C19orf47: variants seen among roughly 807,000 people sequenced by gnomAD.
C19orf47 encodes the protein uncharacterized protein C19orf47.
C19orf47 carries 18 observed loss-of-function variants against 32.3 expected under a neutral mutation model. The observed-to-expected ratio is 0.56, with a 90% CI of 0.39 to 0.83. The LOEUF (loss-of-function observed/expected upper bound fraction) is 0.83, where lower values mean the gene tolerates loss of function less well. C19orf47 is among the 40% of genes least tolerant of loss of function. The pLI, the probability that C19orf47 is intolerant of heterozygous loss-of-function variation, is 0.00. For synonymous variants in C19orf47, 202 were observed against 211.1 expected (o/e 0.96, Z 0.37); for missense variants, 484 against 531.6 (o/e 0.91, Z 0.88).
rs1245668946 is a variant in C19orf47 at position 40,320,119 on chromosome 19, C to T, written c.*1763G>A. 6.5e-6 allele frequency: 1 copy of T among 154,862 alleles called. No homozygotes were observed. Among genetic ancestry groups the T allele is most frequent in the East Asian group, 1.9e-4 (1 of 5,232 alleles). 9.6% of individuals were successfully genotyped at this position (154,862 alleles called of 1,614,324 possible). On this transcript the variant is annotated 3_prime_UTR_variant, in exon 9 of 9. Transcript: ENST00000683109. ...CCACAGCTCTTCCTCCAAAGCACAC[C>T]CTAAGCAGCCCAAGCGGCCCTCTTC...
At chr19:40,343,105 T>C (rs1375921009) in intron 1 of C19orf47, among the ~76,000 whole-genome samples, 2 of 152,146 alleles carry the variant, frequency 1.3e-5, no homozygotes, top group Non-Finnish European at 2.9e-5. Flanking sequence ...GGGCCCACAC[T>C]GCCCTGGCCC....
In C19orf47 at chr19:40,326,403, C is replaced by T. The variant is rs759796192; in HGVS notation, c.523G>A (p.Val175Ile). The change falls in exon 7 of 9, where the codon GTC becomes ATC. Residue 175 changes from valine (V) to isoleucine (I), a missense_variant. Physicochemically the swap from Val to Ile is conservative, Grantham distance 29 (BLOSUM62 3). Coordinates refer to ENST00000683109, the MANE Select transcript of C19orf47 (RefSeq NM_001256441.2). Reference sequence around the variant, plus strand: ...GTGGTGCCTTTGGGCATGTTGATGACGTACTTCCCCTCCATCTCAGCAGTG... The same window carrying T: ...GTGGTGCCTTTGGGCATGTTGATGATGTACTTCCCCTCCATCTCAGCAGTG... ...RVTAEMEGKY[V>I]INMPKGTTPR... The T allele has an allele frequency of 1.2e-5, 19 of 1,614,082 alleles. No homozygotes were observed. In the East Asian group the frequency reaches 1.3e-4, roughly 11 times the overall value.
intron 1 of C19orf47, chr19:40,342,448 CA>C: frequency 6.5e-6 from 1 of 153,210 alleles, no homozygotes; most frequent in South Asian, 2.0e-4. Flanking sequence ...TTCAAACAAA[CA>C]AACAAACAAA....
rs2077710931 is a variant in C19orf47, at chr19:40,321,195, C to T, written c.*687G>A. 1.0e-5 allele frequency: 10 copies of T among 972,410 alleles called. No individual in the cohort carries two copies. Among genetic ancestry groups the T allele is most frequent in the Non-Finnish European group, 1.2e-5 (10 of 816,916 alleles). 60.2% of individuals were successfully genotyped at this position (972,410 alleles called of 1,614,324 possible). A position where few individuals can be genotyped will look rare whatever the true frequency, so the allele number is the denominator to read the frequency against. On this transcript the variant is annotated 3_prime_UTR_variant, in exon 9 of 9. Transcript: ENST00000683109. ...GATGCCCAGGGCAGGAAAACGGATGCGCCTCAGCCGCAGCCCAGGGTCTGG... is the reference window on the plus strand; with the variant it reads ...GATGCCCAGGGCAGGAAAACGGATGTGCCTCAGCCGCAGCCCAGGGTCTGG...
intron 5 of C19orf47, 40 bp from the exon 6 acceptor site, chr19:40,328,590 G>A (rs2077884918): frequency 6.4e-7 from 1 of 1,570,294 alleles, no homozygotes. Context: ...GTGGGGTCCT[G>A]GAAGACAGGC....
the C19orf47 span, among the ~76,000 whole-genome samples, chr19:40,303,854 AT>A: frequency 6.6e-6 from 1 of 151,012 alleles, no homozygotes; most frequent in Admixed American, 6.6e-5. Flanking sequence ...CCTAATGCAA[AT>A]TGCAACCAGG....
At chr19:40,318,871 T>C (rs2077680815), downstream of C19orf47, among the ~76,000 whole-genome samples, 1 of 152,078 alleles carries the variant, frequency 6.6e-6, no homozygotes, top group Admixed American at 6.6e-5. Flanking sequence ...ACTGAAAAAC[T>C]GAAAATAATG....
chr19:40,299,292 C>T, the C19orf47 span, among the ~76,000 whole-genome samples: 1 of 151,786 alleles, frequency 6.6e-6, no homozygotes, highest in African/African-American at 2.4e-5. Flanking sequence ...ATATTAAATG[C>T]TCATTAAATA....
downstream of C19orf47, among the ~76,000 whole-genome samples, chr19:40,317,391 T>A (rs918272860): frequency 6.6e-6 from 1 of 152,032 alleles, no homozygotes; most frequent in African/African-American, 2.4e-5. Flanking sequence ...ACTAGTAGTT[T>A]GAGACCAGCC....
At chr19:40,348,074 A>G (rs2078358345) in intron 1 of C19orf47, among the ~76,000 whole-genome samples, 1 of 152,148 alleles carries the variant, frequency 6.6e-6, no homozygotes, top group Admixed American at 6.6e-5. Context: ...ATAGTAACGA[A>G]GTGAGCGTTA....
chr19:40,348,292 C>T, intron 1 of C19orf47, 32 bp downstream of exon 1: 1 of 1,318,672 alleles, frequency 7.6e-7, no homozygotes, highest in Non-Finnish European at 9.7e-7. Flanking sequence ...CCGCAACCGG[C>T]CCAGTCCCAC....
At chr19:40,308,772 T>TC in the C19orf47 span, among the ~76,000 whole-genome samples, 1 of 152,002 alleles carries the variant, frequency 6.6e-6, no homozygotes, top group Non-Finnish European at 1.5e-5. Context: ...AATAGAACAT[T>TC]TTATAAGAAT....
chr19:40,336,475 A>G, intron 2 of C19orf47, 68 bp from the exon 3 acceptor site: 3 of 1,365,718 alleles, frequency 2.2e-6, no homozygotes, highest in Non-Finnish European at 3.1e-6. Flanking sequence ...CAAAACCACA[A>G]TCACAGCAGC....
At chr19:40,330,893 G>T (rs2077938644) in intron 5 of C19orf47, among the ~76,000 whole-genome samples, 1 of 152,138 alleles carries the variant, frequency 6.6e-6, no homozygotes, top group Non-Finnish European at 1.5e-5. Flanking sequence ...CAGGGTAGTG[G>T]GTACCCTGGA....
At chr19:40,347,220 T>C (rs551323401) in intron 1 of C19orf47, among the ~76,000 whole-genome samples, 1 of 152,154 alleles carries the variant, frequency 6.6e-6, no homozygotes, top group East Asian at 1.9e-4. Flanking sequence ...TGGCCAGCAA[T>C]GCTAGTTTTC....
the C19orf47 span, among the ~76,000 whole-genome samples, chr19:40,313,204 T>C: frequency 1.3e-5 from 2 of 152,228 alleles, no homozygotes; most frequent in Non-Finnish European, 2.9e-5. Flanking sequence ...ACTTAAGGTT[T>C]TTGCCAGTCT....
At chr19:40,312,488 T>C in the C19orf47 span, among the ~76,000 whole-genome samples, 1 of 151,242 alleles carries the variant, frequency 6.6e-6, no homozygotes, top group Non-Finnish European at 1.5e-5. Context: ...GAGCTTGCAG[T>C]GAGCTGAGAT....
chr19:40,295,335 T>C, the C19orf47 span, among the ~76,000 whole-genome samples: 6 of 148,670 alleles, frequency 4.0e-5, no homozygotes, highest in Admixed American at 4.1e-4. Context: ...AGCTGTCTTA[T>C]TGGTACCTAT....
chr19:40,331,127 A>G (rs7255581), intron 5 of C19orf47, among the ~76,000 whole-genome samples: 106,628 of 152,118 alleles, frequency 0.7, 37,375 homozygotes, highest in South Asian at 0.77. Flanking sequence ...GGTAGGCCCT[A>G]CCCACAATGA....
Sources: gnomAD v4.1 joint callset for allele counts (sites outside exome capture counted in the v4.1 genomes callset) on GRCh38, gnomAD v4.1.1 for gene constraint, MANE v1.5 for transcripts, NCBI Gene and HGNC (gene_info 2026-07-23, HGNC 2026-07-21) for gene names.